GALNT17: variants seen among roughly 807,000 people sequenced by gnomAD.
The protein encoded by GALNT17 is UDP-GalNAc:polypeptide N-acetylgalactosaminyltransferase-like 3.
In GALNT17, 29 loss-of-function variants were observed where a neutral mutation model predicts 63.7. The observed-to-expected ratio is 0.46, with a 90% CI of 0.34 to 0.62. GALNT17 has a LOEUF of 0.62. GALNT17 is among the 20% of genes least tolerant of loss of function. The pLI is 0.01. For missense variants in GALNT17, 603 were observed against 799.6 expected, an observed-to-expected ratio of 0.75 and a Z score of 2.97; for synonymous variants, 305 against 318.3, an observed-to-expected ratio of 0.96 and a Z score of 0.45.
intron 1 of GALNT17, among the ~76,000 whole-genome samples, chr7:71,255,818 G>C (rs1790278792): frequency 6.6e-6 from 1 of 152,128 alleles, no homozygotes; most frequent in Admixed American, 6.5e-5. Flanking sequence ...AGATACATCT[G>C]CTGTAAACCA....
intron 5 of GALNT17, among the ~76,000 whole-genome samples, chr7:71,537,877 T>G (rs1788825784): frequency 6.6e-6 from 1 of 151,686 alleles, no homozygotes; most frequent in Non-Finnish European, 1.5e-5. Context: ...GAGAAGGCCA[T>G]GAGAGGATGG....
At chr7:71,674,048 T>C (rs957599174) in intron 8 of GALNT17, among the ~76,000 whole-genome samples, 3 of 152,204 alleles carry the variant, frequency 2.0e-5, no homozygotes, top group Non-Finnish European at 4.4e-5. Flanking sequence ...GGGGGTGACA[T>C]TGTGATCATA....
intron 1 of GALNT17, among the ~76,000 whole-genome samples, chr7:71,318,421 T>TTTTTTTTTTTTTTG (rs1562997941): frequency 2.1e-5 from 3 of 145,554 alleles, no homozygotes; most frequent in Middle Eastern, 3.5e-3. Context: ...CTTTTTTTTT[T>TTTTTTTTTTTTTTG]GTGTGTGTGT....
intron 5 of GALNT17, among the ~76,000 whole-genome samples, chr7:71,523,776 TA>T (rs1225211319): frequency 1.4e-5 from 2 of 141,882 alleles, no homozygotes; most frequent in Non-Finnish European, 3.0e-5. Flanking sequence ...AATAAATAAA[TA>T]AATAAATAAT....
rs115643763 is a variant in GALNT17, at chr7:71,286,531, G to A, written c.239-49019G>A. On this transcript the variant is annotated intron_variant, in intron 1 of 10. Transcript: ENST00000333538. ...TTCCCGTTCGCAAATAAGGAAACAC[G>A]CTCTGGGCTTGCCAGGGCTTTTTCC... is the stretch of plus-strand genomic sequence containing the variant. 3.8e-3 allele frequency among the ~76,000 whole-genome samples: 583 copies of A among 152,044 alleles called. 9 individuals carry two copies. The highest frequency in any genetic ancestry group is 0.013 in the African/African-American group (554 of 41,376).
intron 9 of GALNT17, among the ~76,000 whole-genome samples, chr7:71,698,346 G>T (rs1291329382): frequency 3.9e-5 from 6 of 152,084 alleles, no homozygotes; most frequent in Non-Finnish European, 7.4e-5. Flanking sequence ...TATAAGCAAA[G>T]AAATTTATAA....
At chr7:71,212,038 C>T (rs1789389173) in intron 1 of GALNT17, among the ~76,000 whole-genome samples, 2 of 152,214 alleles carry the variant, frequency 1.3e-5, no homozygotes, top group African/African-American at 4.8e-5. Flanking sequence ...TAATGTTAAT[C>T]CCCAAGACCA....
At chr7:71,254,143 T>G (rs2115574016) in intron 1 of GALNT17, among the ~76,000 whole-genome samples, 1 of 152,314 alleles carries the variant, frequency 6.6e-6, no homozygotes, top group African/African-American at 2.4e-5. Flanking sequence ...CATAGGTAGA[T>G]TCAAACATTT....
intron 1 of GALNT17, chr7:71,300,735 T>C (rs1289460562): frequency 4.1e-6 from 1 of 245,464 alleles, no homozygotes; most frequent in Admixed American, 5.4e-5. Context: ...ACGCCTCCCA[T>C]CACTGCGTCT....
chr7:71,701,841 GTGTA>G (rs1562742445), intron 9 of GALNT17, among the ~76,000 whole-genome samples: 1 of 10,778 alleles, frequency 9.3e-5, no homozygotes, highest in African/African-American at 2.5e-4. Context: ...ATATATATAT[GTGTA>G]TATATATATA....
intron 9 of GALNT17, among the ~76,000 whole-genome samples, chr7:71,700,264 C>T (rs960701719): frequency 1.3e-5 from 2 of 151,114 alleles, no homozygotes; most frequent in East Asian, 1.9e-4. Flanking sequence ...GCCGAGATCA[C>T]GCCACTGCAC....
intron 1 of GALNT17, among the ~76,000 whole-genome samples, chr7:71,304,633 G>C (rs992333014): frequency 1.2e-4 from 19 of 152,228 alleles, no homozygotes; most frequent in African/African-American, 4.3e-4. Context: ...TGTGTCAAGG[G>C]GATCCCTACA....
chr7:71,424,080 A>G (rs1161875626), intron 5 of GALNT17, among the ~76,000 whole-genome samples: 1 of 152,236 alleles, frequency 6.6e-6, no homozygotes, highest in Admixed American at 6.5e-5. Flanking sequence ...CTTGTGGCTC[A>G]GCTCCCACAC....
intron 5 of GALNT17, among the ~76,000 whole-genome samples, chr7:71,445,337 C>T (rs1403860991): frequency 6.6e-6 from 1 of 151,536 alleles, no homozygotes; most frequent in Non-Finnish European, 1.5e-5. Context: ...CACCACCACG[C>T]CCGGCTAATT....
chr7:71,710,792 A>C lies in GALNT17; in HGVS notation c.1532A>C (p.His511Pro). 1 of 1,613,152 alleles carries C rather than the reference A, an allele frequency of 6.2e-7. No individual in the cohort carries two copies. Among genetic ancestry groups the C allele is most frequent in the Non-Finnish European group, 8.5e-7 (1 of 1,179,934 alleles). ...LARYTKEGFL[H>P]LGALGTTTLL... ...CGCTACACCAAGGAAGGCTTCCTGC[A>C]CTTGGGTGCCCTGGGGACCACCACA... Residue 511 changes from histidine (H) to proline (P), a missense_variant, in exon 10 of 11, where the codon CAC becomes CCC. By Grantham distance (77) the His-to-Pro change is moderately conservative. Transcript: ENST00000333538.
intron 1 of GALNT17, among the ~76,000 whole-genome samples, chr7:71,231,853 A>T (rs1050986221): frequency 2.0e-5 from 3 of 151,880 alleles, no homozygotes; most frequent in Admixed American, 2.0e-4. Context: ...CCCTCATGAC[A>T]CCATCTAAAC....
At chr7:71,426,274 G>C (rs1769573884) in intron 5 of GALNT17, among the ~76,000 whole-genome samples, 1 of 152,174 alleles carries the variant, frequency 6.6e-6, no homozygotes, top group Non-Finnish European at 1.5e-5. Flanking sequence ...AGTTCAACCT[G>C]TAGAGATTCC....
chr7:71,609,754 C>T (rs1584087817), intron 6 of GALNT17, among the ~76,000 whole-genome samples: 2 of 151,746 alleles, frequency 1.3e-5, no homozygotes. Context: ...ATACTATGTA[C>T]ATAATATGAG....
intron 1 of GALNT17, among the ~76,000 whole-genome samples, chr7:71,221,601 C>T (rs562887226): frequency 6.6e-6 from 1 of 152,208 alleles, no homozygotes; most frequent in East Asian, 1.9e-4. Context: ...CATAGATTCT[C>T]CCTGCTATGG....
Sources: allele counts gnomAD v4.1 joint callset (sites outside exome capture counted in the v4.1 genomes callset), GRCh38; gene constraint gnomAD v4.1.1; transcripts MANE v1.5; gene names NCBI Gene and HGNC (gene_info 2026-07-23, HGNC 2026-07-21).